The following PDE10A variants were observed in gnomAD, a reference collection of about 807,000 sequenced individuals.
The protein encoded by PDE10A is cAMP and cAMP-inhibited cGMP 3',5'-cyclic phosphodiesterase 10A.
Under a neutral mutation model 97.7 loss-of-function variants are expected in PDE10A, and 39 were observed. The ratio of observed to expected loss-of-function variants is 0.40; its 90% CI spans 0.31 to 0.52. PDE10A has a LOEUF of 0.52. PDE10A is among the 20% of genes least tolerant of loss of function. The probability of loss-of-function intolerance (pLI) is 0.56; values close to 1 mark genes in which losing one functional copy is unlikely to be tolerated. For missense variants in PDE10A, 731 were observed against 1,047.8 expected (o/e 0.70, Z 4.17); for synonymous variants, 371 against 376.8 (o/e 0.98, Z 0.18).
At chr6:165,903,597 A>G (rs79711657) in intron 1 of PDE10A, among the ~76,000 whole-genome samples, 14,337 of 152,212 alleles carry the variant, frequency 0.094, 845 homozygotes, top group African/African-American at 0.16. Flanking sequence ...ATGTGCATAG[A>G]TCCAGTAAAC....
intron 1 of PDE10A, among the ~76,000 whole-genome samples, chr6:165,634,781 G>A (rs140815659): frequency 8.5e-5 from 13 of 152,230 alleles, no homozygotes; most frequent in African/African-American, 2.2e-4. Context: ...AAAACAGAAC[G>A]GTACTCCTGG....
rs1784418500 is a variant in PDE10A at position 165,559,459 on chromosome 6, G to A, written c.866-15891C>T. Among the ~76,000 whole-genome samples, 3 of 152,220 alleles carry A rather than the reference G, an allele frequency of 2.0e-5. No individual in the cohort carries two copies. The South Asian group carries it at 6.2e-4, about 32-fold the overall frequency. On this transcript the variant is annotated intron_variant, in intron 1 of 21. Transcript: ENST00000539869. Reference sequence around the variant, plus strand: ...TATATTATTGGTTTAAATCATAAAAGAAAATTACATACTGTCTCATTAGAA... The same window carrying A: ...TATATTATTGGTTTAAATCATAAAAAAAAATTACATACTGTCTCATTAGAA...
rs552200764 is a variant in PDE10A at position 165,584,345 on chromosome 6, T to TG, written c.866-40778dup. ...CACCTCCATTCAGCCGCCTTCTTAC[T>TG]GGGGGGCCTGGAGGAGGTACTTTTC... On this transcript the variant is annotated intron_variant, in intron 1 of 21. Coordinates refer to ENST00000539869, the MANE Select transcript of PDE10A (RefSeq NM_001385079.1). Among the ~76,000 whole-genome samples the TG allele has an allele frequency of 2.8e-3, 426 of 152,282 alleles. 1 individual carries two copies. The highest frequency in any genetic ancestry group is 0.01 in the Admixed American group (155 of 15,288).
intron 1 of PDE10A, among the ~76,000 whole-genome samples, chr6:165,715,623 C>T (rs1016879084): frequency 2.0e-5 from 3 of 152,136 alleles, no homozygotes; most frequent in South Asian, 2.1e-4. Flanking sequence ...CATGCACACA[C>T]GTGAACACAC....
intron 1 of PDE10A, among the ~76,000 whole-genome samples, chr6:165,562,584 T>C (rs1351556712): frequency 6.6e-6 from 1 of 152,198 alleles, no homozygotes; most frequent in African/African-American, 2.4e-5. Context: ...CACTTTCTTC[T>C]CAACTATGCC....
intron 1 of PDE10A, among the ~76,000 whole-genome samples, chr6:165,561,433 G>A (rs1784518756): frequency 6.6e-6 from 1 of 152,128 alleles, no homozygotes; most frequent in Non-Finnish European, 1.5e-5. Flanking sequence ...AGTGTGGGAA[G>A]AGACTAACAC....
At chr6:165,442,327 T>C (rs1334653558) in intron 5 of PDE10A, among the ~76,000 whole-genome samples, 2 of 152,044 alleles carry the variant, frequency 1.3e-5, no homozygotes, top group South Asian at 4.1e-4. Context: ...CAGTGTGTGA[T>C]GTTCCCCACC....
rs1785485790 is a variant in PDE10A at position 165,388,877 on chromosome 6, A to T, written c.2455-424T>A. Among the ~76,000 whole-genome samples, 1 of 152,264 alleles carries T rather than the reference A, an allele frequency of 6.6e-6. No homozygotes were observed. Among genetic ancestry groups the T allele is most frequent in the African/African-American group, 2.4e-5 (1 of 41,466 alleles). On this transcript the variant is annotated intron_variant, in intron 16 of 21. Transcript: ENST00000539869. This position sits in a 1 kb window ranked among gnomAD's most constrained non-coding sequence, Gnocchi z 4.0. Reference sequence around the variant, plus strand: ...TATTGCTATTATAAACAATAAATATAACAGGTAAATCATATCGCATGTAAA... The same window carrying T: ...TATTGCTATTATAAACAATAAATATTACAGGTAAATCATATCGCATGTAAA...
chr6:165,406,991 A>C (rs220775), intron 13 of PDE10A, among the ~76,000 whole-genome samples: 1 of 151,782 alleles, frequency 6.6e-6, no homozygotes, highest in Non-Finnish European at 1.5e-5. Flanking sequence ...TGAGGCTTTC[A>C]GACTTGGACT....
At chr6:165,360,866 C>T (rs1783363725) in intron 18 of PDE10A, among the ~76,000 whole-genome samples, 1 of 152,144 alleles carries the variant, frequency 6.6e-6, no homozygotes, top group African/African-American at 2.4e-5. Context: ...CACTGTCCTT[C>T]CAGGTGACTG....
intron 1 of PDE10A, among the ~76,000 whole-genome samples, chr6:165,923,612 G>C (rs1782823968): frequency 6.6e-6 from 1 of 152,218 alleles, no homozygotes; most frequent in South Asian, 2.1e-4. Context: ...CCTTCATAAA[G>C]AGAGTTTGCA....
chr6:165,648,505 T>C lies in PDE10A; in HGVS notation c.865+13442A>G, dbSNP rs1405077908. On this transcript the variant is annotated intron_variant, in intron 1 of 21. Coordinates refer to ENST00000539869, the MANE Select transcript of PDE10A (RefSeq NM_001385079.1). The stretch of plus-strand genomic sequence containing the variant: ...TGATCTCCACCTAATAATAATGGCA[T>C]TTGGAAAACGTTTAGGTCACCCCCA... Among the ~76,000 whole-genome samples, 8 of 152,154 alleles carry C rather than the reference T, an allele frequency of 5.3e-5. No homozygotes were observed. In the East Asian group the frequency reaches 1.5e-3, roughly 29 times the overall value.
chr6:165,835,386 A>C (rs1342528390), intron 1 of PDE10A, among the ~76,000 whole-genome samples: 1 of 152,020 alleles, frequency 6.6e-6, no homozygotes, highest in East Asian at 1.9e-4. Context: ...CTGTCCAACA[A>C]TTTTCCTTTA....
At position 165,485,296 on chromosome 6, in the gene PDE10A, G is replaced by A. The variant is rs187724174; in HGVS notation, c.995-2953C>T. ...ATCCCGGCTAACACAGTGAAGCCCCGTCTCTACTAAAAATACAAAAAATTA... is the reference window on the plus strand; with the variant it reads ...ATCCCGGCTAACACAGTGAAGCCCCATCTCTACTAAAAATACAAAAAATTA... On this transcript the variant is annotated intron_variant, in intron 2 of 21. Coordinates refer to ENST00000539869, the MANE Select transcript of PDE10A (RefSeq NM_001385079.1). Among the ~76,000 whole-genome samples the A allele has an allele frequency of 7.2e-5, 11 of 151,842 alleles. No homozygotes were observed. In the East Asian group the frequency reaches 1.2e-3, roughly 16 times the overall value.
chr6:165,810,667 CT>C (rs1779259155), intron 1 of PDE10A, among the ~76,000 whole-genome samples: 1 of 152,108 alleles, frequency 6.6e-6, no homozygotes, highest in South Asian at 2.1e-4. Context: ...CCCTACAAGC[CT>C]CCTCTTCCCC....
intron 1 of PDE10A, among the ~76,000 whole-genome samples, chr6:165,895,240 G>A (rs1378141164): frequency 1.3e-5 from 2 of 152,138 alleles, no homozygotes; most frequent in East Asian, 1.9e-4. Flanking sequence ...ACTCCATCAG[G>A]GCGGGCTCCA....
chr6:165,744,381 A>G (rs1267203882), intron 1 of PDE10A, among the ~76,000 whole-genome samples: 1 of 152,174 alleles, frequency 6.6e-6, no homozygotes, highest in Non-Finnish European at 1.5e-5. Context: ...TCTTGGTAGT[A>G]TTTCACTGAA....
At chr6:165,745,764 C>A (rs1792828799) in intron 1 of PDE10A, among the ~76,000 whole-genome samples, 1 of 152,006 alleles carries the variant, frequency 6.6e-6, no homozygotes, top group Non-Finnish European at 1.5e-5. Context: ...TCTAAATTTG[C>A]AAAATATTAC....
chr6:165,666,886 C>G (rs1281581020), upstream of PDE10A, among the ~76,000 whole-genome samples: 1 of 152,192 alleles, frequency 6.6e-6, no homozygotes, highest in African/African-American at 2.4e-5. Flanking sequence ...GACTGCCTCT[C>G]CAACTATTCA....
Sources: gnomAD v4.1 joint callset for allele counts (sites outside exome capture counted in the v4.1 genomes callset) on GRCh38, gnomAD v4.1.1 for gene constraint, Gnocchi (gnomAD v3.1) non-coding constraint, MANE v1.5 for transcripts, NCBI Gene and HGNC (gene_info 2026-07-23, HGNC 2026-07-21) for gene names.